Variants in NECAP2 observed in about 807,000 individuals in gnomAD.
NECAP2 encodes the protein NECAP endocytosis associated 2, also known as adaptin ear-binding coat-associated protein 2.
NECAP2 carries 38 observed loss-of-function variants against 37.8 expected under a neutral mutation model. The ratio of observed to expected loss-of-function variants is 1.01; its 90% CI spans 0.78 to 1.32. The LOEUF is 1.32. Ranked by LOEUF, NECAP2 falls within the 40% of genes most tolerant of loss-of-function variation. The pLI, the probability that NECAP2 is intolerant of heterozygous loss-of-function variation, is 0.00. For synonymous variants in NECAP2, 121 were observed against 127.7 expected, an observed-to-expected ratio of 0.95 and a Z score of 0.35; for missense variants, 316 against 334.5, an observed-to-expected ratio of 0.94 and a Z score of 0.43.
At chr1:16,448,547 C>T (rs2086795723) in intron 4 of NECAP2, among the ~76,000 whole-genome samples, 1 of 152,200 alleles carries the variant, frequency 6.6e-6, no homozygotes, top group Admixed American at 6.5e-5. Context: ...CCACCATCTG[C>T]AGGGCTCGAA....
At chr1:16,444,658 G>A (rs1314364614) in intron 2 of NECAP2, among the ~76,000 whole-genome samples, 1 of 152,162 alleles carries the variant, frequency 6.6e-6, no homozygotes, top group Non-Finnish European at 1.5e-5. Context: ...GCATTGATGT[G>A]TTCTTCGGGA....
Position 16,443,570 on chromosome 1 carries a change from C to T in NECAP2, c.93-62C>T, listed in dbSNP as rs1027442596. The T allele has an allele frequency of 4.4e-5, 57 of 1,287,532 alleles. 2 individuals carry two copies. Among genetic ancestry groups the T allele is most frequent in the Non-Finnish European group, 6.0e-5 (54 of 899,320 alleles). 79.8% of individuals were successfully genotyped at this position (1,287,532 alleles called of 1,614,324 possible). On this transcript the variant is annotated intron_variant, in intron 1 of 7. Transcript: ENST00000337132. ...CTAGAATAAGCAGCCCTTTCCATTC[C>T]CAGCATTGGGGTCACACAGCAGGAG...
chr1:16,448,585 C>T (rs899226526), intron 4 of NECAP2, among the ~76,000 whole-genome samples: 2 of 152,208 alleles, frequency 1.3e-5, no homozygotes, highest in Admixed American at 6.5e-5. Context: ...TGGGCTGTGC[C>T]CGGCCACTCA....
chr1:16,452,055 G>A lies in NECAP2; in HGVS notation c.667+40G>A, dbSNP rs1409362582. 1.1e-5 allele frequency: 17 copies of A among 1,514,734 alleles called. No individual in the cohort carries two copies. The East Asian group carries it at 2.6e-4, about 23-fold the overall frequency. The allele number at this position is 1,514,734 out of a possible 1,614,324, so 93.8% of individuals were successfully genotyped here. A position where few individuals can be genotyped will look rare whatever the true frequency, so the allele number is the denominator to read the frequency against. ...GGTGACTGCTGCATCAGTACCTGCC[G>A]GCTCCTCTTCTCCCTGGCAGCCAGG... On this transcript the variant is annotated intron_variant, in intron 6 of 7. Coordinates refer to ENST00000337132, the MANE Select transcript of NECAP2 (RefSeq NM_018090.5).
At chr1:16,453,120 T>C (rs2086870371) in intron 6 of NECAP2, among the ~76,000 whole-genome samples, 1 of 151,954 alleles carries the variant, frequency 6.6e-6, no homozygotes, top group Non-Finnish European at 1.5e-5. Context: ...TTTTTTTTTT[T>C]TTTGAAATGG....
At chr1:16,441,492 G>A (rs375745317) in intron 1 of NECAP2, 1 of 152,258 alleles carries the variant, frequency 6.6e-6, no homozygotes, top group South Asian at 2.1e-4. Flanking sequence ...CCTAGGGGAG[G>A]GGAACCGCCC....
intron 5 of NECAP2, chr1:16,450,540 C>T: frequency 6.4e-6 from 1 of 155,536 alleles, no homozygotes; most frequent in South Asian, 1.9e-4. Flanking sequence ...ACTTGTGCTG[C>T]TTTCTGGCTC....
rs150330005 is a variant in NECAP2, at chr1:16,442,385, C to T, written c.93-1247C>T. On this transcript the variant is annotated intron_variant, in intron 1 of 7. Transcript: ENST00000337132. ...TTTAGCTTAGAGGAAACTACCAGTGCCTGCACTTAAGTCTTGGAGCTCTCC... is the reference window on the plus strand; with the variant it reads ...TTTAGCTTAGAGGAAACTACCAGTGTCTGCACTTAAGTCTTGGAGCTCTCC... Among the ~76,000 whole-genome samples the T allele has an allele frequency of 3.6e-3, 541 of 152,272 alleles. 3 individuals are homozygous for T. Among genetic ancestry groups the T allele is most frequent in the Middle Eastern group, 0.014 (4 of 294 alleles).
chr1:16,456,022 TTC>T, intron 7 of NECAP2, 129 bp downstream of exon 7: 3 of 654,230 alleles, frequency 4.6e-6, no homozygotes, highest in Non-Finnish European at 7.7e-6. Context: ...ATGTTTTCTT[TTC>T]TTTTTTTTTT....
At chr1:16,446,759 G>C (rs764238921) in intron 2 of NECAP2, among the ~76,000 whole-genome samples, 1 of 152,088 alleles carries the variant, frequency 6.6e-6, no homozygotes, top group Non-Finnish European at 1.5e-5. Flanking sequence ...GCTCATGCTA[G>C]TCTCAAATTC....
intron 5 of NECAP2, chr1:16,449,837 C>G (rs541072437): frequency 1.0e-5 from 2 of 194,280 alleles, no homozygotes; most frequent in Admixed American, 1.1e-4. Context: ...GCTTCCCTCC[C>G]GTCAGCTCCT....
chr1:16,456,841 A>G (rs1020040073), intron 7 of NECAP2, among the ~76,000 whole-genome samples: 1 of 151,726 alleles, frequency 6.6e-6, no homozygotes, highest in African/African-American at 2.4e-5. Flanking sequence ...TGCTGGCTCT[A>G]CAGGTGCACA....
intron 5 of NECAP2, 176 bp from the exon 6 acceptor site, chr1:16,451,662 T>C: frequency 1.5e-6 from 1 of 662,642 alleles, no homozygotes; most frequent in East Asian, 2.7e-5. Flanking sequence ...TTGTGAGAGA[T>C]TCAGAATGAT....
chr1:16,449,397 A>G (rs1172415992), intron 5 of NECAP2, 196 bp downstream of exon 5: 2 of 539,496 alleles, frequency 3.7e-6, no homozygotes, highest in East Asian at 6.2e-5. Context: ...TGAGACAGGC[A>G]GGTAAAAATG....
chr1:16,452,129 T>G (rs141787500), intron 6 of NECAP2, 114 bp downstream of exon 6: 151 of 1,081,782 alleles, frequency 1.4e-4, no homozygotes, highest in Non-Finnish European at 1.9e-4. Flanking sequence ...ATGTAGTACC[T>G]GTCCGTGTCA....
intron 1 of NECAP2, among the ~76,000 whole-genome samples, chr1:16,442,648 C>T (rs1264090262): frequency 6.6e-6 from 1 of 152,222 alleles, no homozygotes; most frequent in Non-Finnish European, 1.5e-5. Context: ...GTCAAAACAG[C>T]TGGCTGTGGT....
chr1:16,444,520 C>T (rs1052834113), intron 2 of NECAP2, among the ~76,000 whole-genome samples: 1 of 152,218 alleles, frequency 6.6e-6, no homozygotes, highest in Admixed American at 6.5e-5. Flanking sequence ...AGCCACATGA[C>T]CTCTGGGGCC....
intron 2 of NECAP2, among the ~76,000 whole-genome samples, chr1:16,447,211 G>C (rs902386709): frequency 1.3e-5 from 2 of 152,186 alleles, no homozygotes; most frequent in African/African-American, 4.8e-5. Flanking sequence ...ACAGACGTCA[G>C]CACATGGGAA....
rs768525597 is a variant in NECAP2 at position 16,447,949 on chromosome 1, C to T, written c.273C>T (p.Phe91=). ...VESVTDSSRY[F]VIRIEDGNGR... ...GTGTGACGGATTCCAGCAGGTACTT[C>T]GTGATCCGCATCGAAGATGGAAATG... is the stretch of plus-strand genomic sequence containing the variant. Residue 91 remains phenylalanine (F), a synonymous_variant, in exon 3 of 8, where the codon TTC becomes TTT. Coordinates refer to ENST00000337132, the MANE Select transcript of NECAP2 (RefSeq NM_018090.5). 4.4e-5 allele frequency: 71 copies of T among 1,614,032 alleles called. 1 individual carries two copies. The highest frequency in any genetic ancestry group is 1.1e-5 in the South Asian group (1 of 91,086).
Sources: gnomAD v4.1 joint callset for allele counts (sites outside exome capture counted in the v4.1 genomes callset) on GRCh38, gnomAD v4.1.1 for gene constraint, MANE v1.5 for transcripts, NCBI Gene and HGNC (gene_info 2026-07-23, HGNC 2026-07-21) for gene names.